Variants in ATRX observed in about 807,000 individuals in gnomAD.
ATRX encodes the protein ATRX chromatin remodeler, also known as chromatin remodeler ATRX.
A neutral mutation model predicts 172.6 loss-of-function variants in ATRX; 12 were observed. That is an observed-to-expected ratio of 0.07 (90% CI 0.04 to 0.11). ATRX has a LOEUF of 0.11. Among genes scored for constraint, ATRX ranks in the 10% least tolerant of loss-of-function variants. The probability of loss-of-function intolerance (pLI) is 1.00; values close to 1 mark genes in which losing one functional copy is unlikely to be tolerated. For synonymous variants in ATRX, 674 were observed against 594.7 expected, an observed-to-expected ratio of 1.13 and a Z score of -1.94; for missense variants, 1,368 against 1,767.4, an observed-to-expected ratio of 0.77 and a Z score of 4.05.
chrX:77,673,599 ATAT>A (rs2070730682), intron 10 of ATRX, among the ~76,000 whole-genome samples: 1 of 111,195 alleles, frequency 9.0e-6, no homozygotes, highest in Non-Finnish European at 1.9e-5. Flanking sequence ...CTGTCTCATA[ATAT>A]TATACATTTA....
chrX:77,766,201 T>C (rs1359739079), intron 1 of ATRX, among the ~76,000 whole-genome samples: 2 of 112,936 alleles, frequency 1.8e-5, no homozygotes, highest in African/African-American at 6.4e-5. Context: ...AATGAGCCGC[T>C]GGGCACACCT....
intron 1 of ATRX, among the ~76,000 whole-genome samples, chrX:77,767,264 A>AGGGAGAGG (rs1416838651): frequency 4.8e-4 from 50 of 105,023 alleles, no homozygotes; most frequent in African/African-American, 1.3e-3. Context: ...AGAGGGAGAG[A>AGGGAGAGG]GGGAGAGGGG....
intron 10 of ATRX, among the ~76,000 whole-genome samples, chrX:77,672,499 G>C (rs1200475728): frequency 9.2e-6 from 1 of 108,967 alleles, no homozygotes; most frequent in Non-Finnish European, 1.9e-5. Flanking sequence ...GTCATCAACA[G>C]CATACCCACA....
intron 27 of ATRX, among the ~76,000 whole-genome samples, chrX:77,577,806 A>T (rs1379858673): frequency 8.9e-6 from 1 of 111,864 alleles, no homozygotes; most frequent in Non-Finnish European, 1.9e-5. Flanking sequence ...GCTGAATAGA[A>T]GCTGCTACTG....
chrX:77,628,732 T>G (rs1444998991), intron 19 of ATRX, among the ~76,000 whole-genome samples: 1 of 111,712 alleles, frequency 9.0e-6, no homozygotes, highest in African/African-American at 3.3e-5. Context: ...GTCAGCTTCC[T>G]GAATAGCTGA....
At chrX:77,712,823 C>T (rs782143600) in intron 2 of ATRX, among the ~76,000 whole-genome samples, 1 of 106,822 alleles carries the variant, frequency 9.4e-6, no homozygotes, top group African/African-American at 3.4e-5. Flanking sequence ...AGCGAGACTC[C>T]ATCTCAAAAA....
intron 1 of ATRX, among the ~76,000 whole-genome samples, chrX:77,724,207 G>A (rs1557171146): frequency 9.1e-6 from 1 of 109,776 alleles, no homozygotes; most frequent in East Asian, 2.9e-4. Context: ...GAGCCGGGAG[G>A]GAGAGACTGC....
At chrX:77,515,803 G>A (rs782386257) in intron 34 of ATRX, among the ~76,000 whole-genome samples, 10 of 111,691 alleles carry the variant, frequency 9.0e-5, no homozygotes, top group Non-Finnish European at 1.3e-4. Flanking sequence ...TCTCATTCTC[G>A]GCTTGTAAAG....
chrX:77,529,274 G>C (rs1424768994), intron 30 of ATRX, among the ~76,000 whole-genome samples: 1 of 111,217 alleles, frequency 9.0e-6, no homozygotes, highest in African/African-American at 3.3e-5. Context: ...TAGCAAGACA[G>C]GCCAAATTTC....
intron 6 of ATRX, among the ~76,000 whole-genome samples, chrX:77,692,014 G>A (rs782027180): frequency 8.9e-6 from 1 of 111,778 alleles, no homozygotes; most frequent in South Asian, 3.7e-4. Context: ...CTTATCAGCT[G>A]AGACCAAATG....
chrX:77,706,579 G>A lies in ATRX; in HGVS notation c.134-7950C>T, dbSNP rs1031813074. On this transcript the variant is annotated intron_variant, in intron 2 of 34. Transcript: ENST00000373344. ...CAAAAGGAAAAACAGATAAATAAAA[G>A]TTCATCAAAATTAGTAACTTGTGCT... 3.6e-5 allele frequency among the ~76,000 whole-genome samples: 4 copies of A among 111,089 alleles called. No individual in the cohort carries two copies. In the Admixed American group the frequency reaches 3.8e-4, roughly 11 times the overall value.
At chrX:77,595,161 G>A (rs1557083236) in intron 25 of ATRX, 1 of 111,590 alleles carries the variant, frequency 9.0e-6, no homozygotes, top group Non-Finnish European at 1.9e-5. Flanking sequence ...TCTATTATCA[G>A]AAGTTCTTGA....
chrX:77,776,445 C>T (rs1469508218), intron 1 of ATRX, among the ~76,000 whole-genome samples: 2 of 111,708 alleles, frequency 1.8e-5, no homozygotes, highest in African/African-American at 3.3e-5. Flanking sequence ...GTCAGTTCCT[C>T]AATAATGTAA....
intron 19 of ATRX, among the ~76,000 whole-genome samples, chrX:77,628,988 A>T (rs3027558): frequency 0.11 from 12,479 of 111,835 alleles, 691 homozygotes; most frequent in Non-Finnish European, 0.17. Context: ...AAGTTGAAAG[A>T]TGAACACTAC....
intron 1 of ATRX, among the ~76,000 whole-genome samples, chrX:77,750,412 CAG>C (rs2075255030): frequency 9.0e-6 from 1 of 111,506 alleles, no homozygotes; most frequent in Non-Finnish European, 1.9e-5. Flanking sequence ...CCTTTGAAAA[CAG>C]AGTGTTTACT....
intron 1 of ATRX, among the ~76,000 whole-genome samples, chrX:77,759,318 A>C (rs1441729242): frequency 9.0e-6 from 1 of 111,209 alleles, no homozygotes; most frequent in Non-Finnish European, 1.9e-5. Context: ...GACATGTTTA[A>C]GAATGCTCAT....
At chrX:77,616,878 T>C in intron 21 of ATRX, 148 bp from the exon 22 acceptor site, 1 of 453,392 alleles carries the variant, frequency 2.2e-6, no homozygotes, top group Non-Finnish European at 3.8e-6. Context: ...TATTTACCCT[T>C]TCTAAACCCA....
At chrX:77,704,421 A>G (rs1470535459) in intron 2 of ATRX, among the ~76,000 whole-genome samples, 2 of 111,585 alleles carry the variant, frequency 1.8e-5, no homozygotes, top group Non-Finnish European at 3.8e-5. Flanking sequence ...GGCCCAGAAA[A>G]GGCACCACAA....
intron 9 of ATRX, among the ~76,000 whole-genome samples, chrX:77,680,866 C>A (rs1021497744): frequency 9.0e-6 from 1 of 110,599 alleles, no homozygotes; most frequent in African/African-American, 3.3e-5. Context: ...TTAATTAATT[C>A]ATAAAAATAT....
Sources: gnomAD v4.1 joint callset for allele counts (sites outside exome capture counted in the v4.1 genomes callset) on GRCh38, gnomAD v4.1.1 for gene constraint, MANE v1.5 for transcripts, NCBI Gene and HGNC (gene_info 2026-07-23, HGNC 2026-07-21) for gene names.